The following SALL4 variants were observed in gnomAD, a reference collection of about 807,000 sequenced individuals.
The protein encoded by SALL4 is spalt like transcription factor 4.
Under a neutral mutation model 60.8 loss-of-function variants are expected in SALL4, and 4 were observed. That is an observed-to-expected ratio of 0.07 (90% CI 0.03 to 0.15). SALL4 has a LOEUF of 0.15. SALL4 is among the 10% of genes least tolerant of loss of function. The pLI is 1.00. For synonymous variants in SALL4, 580 were observed against 574.9 expected (o/e 1.01, Z -0.13); for missense variants, 1,178 against 1,394.7 (o/e 0.84, Z 2.48).
At position 51,784,235 on chromosome 20, in the gene SALL4, C is replaced by G. The variant is rs1352815755; in HGVS notation, c.*30G>C. On this transcript the variant is annotated 3_prime_UTR_variant, in exon 4 of 4. Coordinates refer to ENST00000217086, the MANE Select transcript of SALL4 (RefSeq NM_020436.5). ...GCAGATTCTAGAGATTTCACTGTGT[C>G]TGCATTGCTCCTTCCACGCAAGTTC... 6.2e-7 allele frequency: 1 copy of G among 1,611,654 alleles called. No homozygotes were observed. Among genetic ancestry groups the G allele is most frequent in the East Asian group, 2.2e-5 (1 of 44,878 alleles).
chr20:51,789,473 C>CT (rs2045884129), intron 2 of SALL4, among the ~76,000 whole-genome samples: 1 of 152,230 alleles, frequency 6.6e-6, no homozygotes, highest in African/African-American at 2.4e-5. Context: ...TTTGATACAG[C>CT]TTTTCCCTTA....
At position 51,790,249 on chromosome 20, in the gene SALL4, C is replaced by T. The variant is rs202211021; in HGVS notation, c.2234G>A (p.Arg745His). 35 of 1,613,988 alleles carry T rather than the reference C, an allele frequency of 2.2e-5. No homozygotes were observed. The highest frequency in any genetic ancestry group is 4.5e-5 in the East Asian group (2 of 44,896). ...KVGPAPFNLQ[R>H]QGSRENGSVE... ...GGAACCGTTTTCTCTGCTGCCCTGG[C>T]GCTGCAGGTTAAAAGGGGCAGGACC... Residue 745 changes from arginine (R) to histidine (H), a missense_variant, in exon 2 of 4, where the codon CGC (arginine) becomes CAC (histidine). Coordinates refer to ENST00000217086, the MANE Select transcript of SALL4 (RefSeq NM_020436.5). This position sits in a 1 kb window ranked among gnomAD's most constrained non-coding sequence, Gnocchi z 5.5.
At chr20:51,794,678 G>A (rs368142548) in intron 1 of SALL4, among the ~76,000 whole-genome samples, 4 of 152,142 alleles carry the variant, frequency 2.6e-5, no homozygotes, top group South Asian at 2.1e-4. Flanking sequence ...CTTTGTATGT[G>A]CCAGGTATGA....
Position 51,784,160 on chromosome 20 carries a change from A to C in SALL4, c.*105T>G. 2 of 1,321,578 alleles carry C rather than the reference A, an allele frequency of 1.5e-6. No individual in the cohort carries two copies. The highest frequency in any genetic ancestry group is 2.2e-6 in the Non-Finnish European group (2 of 927,324). 81.9% of individuals were successfully genotyped at this position (1,321,578 alleles called of 1,614,324 possible). ...AACCAACGTAGTAAACATCATTTGCATATCAGTAAGAAAAAGAAAACAGGA... is the reference window on the plus strand; with the variant it reads ...AACCAACGTAGTAAACATCATTTGCCTATCAGTAAGAAAAAGAAAACAGGA... On this transcript the variant is annotated 3_prime_UTR_variant, in exon 4 of 4. Transcript: ENST00000217086.
rs6091375 is a variant in SALL4, at chr20:51,790,091, T to G, written c.2392A>C (p.Ile798Leu). ...LSPANSQAES[I>L]KSKSPDAGSK... The stretch of plus-strand genomic sequence containing the variant: ...CCAGCATCGGGAGACTTTGACTTGA[T>G]GCTTTCGGCTTGACTATTGGCCGGG... The change falls in exon 2 of 4, where the codon ATC becomes CTC. Residue 798 changes from isoleucine to leucine, a missense_variant. By Grantham distance (5) the Ile-to-Leu change is conservative. This residue lies in a region of SALL4 where 853 missense variants were observed against 1,036.8 expected (regional missense o/e 0.82). Coordinates refer to ENST00000217086, the MANE Select transcript of SALL4 (RefSeq NM_020436.5). The surrounding 1 kb of genome is among the most constrained non-coding windows in gnomAD (Gnocchi z 5.5). The G allele has an allele frequency of 0.054, 87,750 of 1,614,114 alleles. 2,966 individuals carry two copies. Among genetic ancestry groups the G allele is most frequent in the African/African-American group, 0.16 (11,932 of 75,004 alleles).
At chr20:51,785,106 C>G (rs141767539) in intron 3 of SALL4, among the ~76,000 whole-genome samples, 2 of 152,018 alleles carry the variant, frequency 1.3e-5, no homozygotes, top group South Asian at 4.2e-4. Context: ...AGTTCAAGAC[C>G]AGCCCGGCCA....
At position 51,788,378 on chromosome 20, in the gene SALL4, G is replaced by A. The variant is rs1436211533; in HGVS notation, c.2742+483C>T. 6.7e-6 allele frequency among the ~76,000 whole-genome samples: 1 copy of A among 148,370 alleles called. No homozygotes were observed. The highest frequency in any genetic ancestry group is 1.5e-5 in the Non-Finnish European group (1 of 67,130). Reference sequence around the variant, plus strand: ...GTGTGTAAAGACGTTGTCTCCCTATGTTGCCAGGCTGGTCTCAAACTCCTG... The same window carrying A: ...GTGTGTAAAGACGTTGTCTCCCTATATTGCCAGGCTGGTCTCAAACTCCTG... On this transcript the variant is annotated intron_variant, in intron 3 of 3. Transcript: ENST00000217086. The surrounding 1 kb of genome is among the most constrained non-coding windows in gnomAD (Gnocchi z 4.1).
chr20:51,785,934 G>A (rs1480676869), intron 3 of SALL4, among the ~76,000 whole-genome samples: 2 of 147,454 alleles, frequency 1.4e-5, no homozygotes, highest in East Asian at 2.1e-4. Flanking sequence ...GAGCCACCAC[G>A]TCCGGCCTTT....
In SALL4 at chr20:51,802,317, G is replaced by A; in HGVS notation, c.92C>T (p.Ala31Val). ...CGCGGGCGCCGCTGGGGCCGCATCT[G>A]CAAACTCCGGGGTCTGCTGCTGCGG... The part of the protein sequence containing the change: ...QQPQQQTPEF[A>V]DAAPAAPAAG... The change falls in exon 1 of 4, where the codon GCA becomes GTA. Residue 31 changes from alanine (A) to valine (V), a missense_variant. Coordinates refer to ENST00000217086, the MANE Select transcript of SALL4 (RefSeq NM_020436.5). 1 of 1,610,292 alleles carries A rather than the reference G, an allele frequency of 6.2e-7. No individual in the cohort carries two copies. Among genetic ancestry groups the A allele is most frequent in the Non-Finnish European group, 8.5e-7 (1 of 1,179,492 alleles).
In SALL4 at chr20:51,800,814, G is replaced by T. The variant is rs182644617; in HGVS notation, c.130+1465C>A. ...GTGCGCGCTGCGCTGACCACCCGGC[G>T]CCCCGAAAACGCCCAGCCATCCCCT... On this transcript the variant is annotated intron_variant, in intron 1 of 3. Transcript: ENST00000217086. Among the ~76,000 whole-genome samples, 111 of 146,452 alleles carry T rather than the reference G, an allele frequency of 7.6e-4. No individual in the cohort carries two copies. In the East Asian group the frequency reaches 0.021, roughly 27 times the overall value.
At position 51,783,112 on chromosome 20, in the gene SALL4, G is replaced by A. The variant is rs1601160431; in HGVS notation, c.*1153C>T. ...TGTGATGGGAAACACGCCCTTCCAC[G>A]AGTTTCTTCTCGAGCATGAAAACCC... On this transcript the variant is annotated 3_prime_UTR_variant, in exon 4 of 4. Coordinates refer to ENST00000217086, the MANE Select transcript of SALL4 (RefSeq NM_020436.5). 3.3e-5 allele frequency: 5 copies of A among 152,080 alleles called. No homozygotes were observed. Among genetic ancestry groups the A allele is most frequent in the Admixed American group, 2.0e-4 (3 of 15,250 alleles). The allele number at this position is 152,080 out of a possible 1,614,324, so 9.4% of individuals were successfully genotyped here.
At position 51,784,617 on chromosome 20, in the gene SALL4, T is replaced by C. The variant is rs774221481; in HGVS notation, c.2810A>G (p.Asn937Ser). The part of the protein sequence containing the change: ...ARRGRKLAIE[N>S]TMALLGTDGK... ...GTCCGTACCTAACAGAGCCATGGTG[T>C]TCTCGATGGCCAACTTCCTTCCACG... The change falls in exon 4 of 4, where the codon AAC becomes AGC. Residue 937 changes from asparagine (N) to serine (S), a missense_variant. Around this residue, in one of 5 missense-constraint regions of SALL4, gnomAD observed 174 missense variants for 169.6 expected, o/e 1.03. Coordinates refer to ENST00000217086, the MANE Select transcript of SALL4 (RefSeq NM_020436.5). 9 of 1,614,100 alleles carry C rather than the reference T, an allele frequency of 5.6e-6. No homozygotes were observed. The Admixed American group carries it at 1.5e-4, about 27-fold the overall frequency.
rs2078045794 is a variant in SALL4 at position 51,791,858 on chromosome 20, T to A, written c.625A>T (p.Asn209Tyr). ...TGCTCGAGGACCCACGGGATGCTGT[T>A]GGCACCAGGCACGGGGGCAGGGAGT... ...DALPAPVPGA[N>Y]SIPWVLEQIL... The change falls in exon 2 of 4, where the codon AAC becomes TAC. Residue 209 changes from asparagine to tyrosine, a missense_variant. Around this residue, in one of 5 missense-constraint regions of SALL4, gnomAD observed 853 missense variants for 1,036.8 expected, o/e 0.82. Coordinates refer to ENST00000217086, the MANE Select transcript of SALL4 (RefSeq NM_020436.5). The surrounding 1 kb of genome is among the most constrained non-coding windows in gnomAD (Gnocchi z 4.6). The A allele has an allele frequency of 1.9e-6, 3 of 1,614,060 alleles. No individual in the cohort carries two copies. Among genetic ancestry groups the A allele is most frequent in the Non-Finnish European group, 2.5e-6 (3 of 1,180,032 alleles).
At position 51,801,494 on chromosome 20, in the gene SALL4, C is replaced by CG. The variant is rs573406347; in HGVS notation, c.130+784dup. The CG allele has an allele frequency of 7.2e-5, 11 of 152,402 alleles. No homozygotes were observed. In the East Asian group the frequency reaches 2.1e-3, roughly 29 times the overall value. 9.4% of individuals were successfully genotyped at this position (152,402 alleles called of 1,614,324 possible). On this transcript the variant is annotated intron_variant, in intron 1 of 3. Coordinates refer to ENST00000217086, the MANE Select transcript of SALL4 (RefSeq NM_020436.5). This position sits in a 1 kb window ranked among gnomAD's most constrained non-coding sequence, Gnocchi z 5.2. ...CCCGGCCACTGGGGGCTCGCACCCTCGGGCTTGCCGCGGTTATTTTTAGGA... is the reference window on the plus strand; with the variant it reads ...CCCGGCCACTGGGGGCTCGCACCCTCGGGGCTTGCCGCGGTTATTTTTAGGA...
At position 51,792,092 on chromosome 20, in the gene SALL4, C is replaced by G. The variant is rs2078049402; in HGVS notation, c.391G>C (p.Asp131His). 6.2e-7 allele frequency: 1 copy of G among 1,614,166 alleles called. No homozygotes were observed. The highest frequency in any genetic ancestry group is 8.5e-7 in the Non-Finnish European group (1 of 1,180,044). ...SHQPTSPGSK[D>H]CHRENGGSSE... is the part of the protein sequence containing the mutation. The stretch of plus-strand genomic sequence containing the variant: ...CTGCCGCCATTCTCCCTGTGACAGT[C>G]CTTACTGCCGGGACTGGTGGGCTGG... The change falls in exon 2 of 4, where the codon GAC becomes CAC. Residue 131 changes from aspartate (D) to histidine (H), a missense_variant. Around this residue, in one of 5 missense-constraint regions of SALL4, gnomAD observed 853 missense variants for 1,036.8 expected, o/e 0.82. Coordinates refer to ENST00000217086, the MANE Select transcript of SALL4 (RefSeq NM_020436.5).
Position 51,789,071 on chromosome 20 carries a change from T to C in SALL4, c.2532A>G (p.Thr844=). Residue 844 remains threonine (T), a synonymous_variant, in exon 3 of 4, where the codon ACA becomes ACG. Coordinates refer to ENST00000217086, the MANE Select transcript of SALL4 (RefSeq NM_020436.5). ...PTYVKVEVPG[T]FVGPSTLSPG... ...GGGACAATGTCGAGGGTCCCACAAATGTGCCAGGAACTTCAACCTTGACAT... is the reference window on the plus strand; with the variant it reads ...GGGACAATGTCGAGGGTCCCACAAACGTGCCAGGAACTTCAACCTTGACAT... The C allele has an allele frequency of 6.2e-7, 1 of 1,614,172 alleles. No individual in the cohort carries two copies. The highest frequency in any genetic ancestry group is 1.3e-5 in the African/African-American group (1 of 75,050).
intron 1 of SALL4, 43 bp from the exon 2 acceptor site, chr20:51,792,395 A>T (rs2078052892): frequency 6.3e-7 from 1 of 1,597,780 alleles, no homozygotes; most frequent in African/African-American, 1.3e-5. Context: ...CCCAAGTAAA[A>T]GATGTGGGGG....
chr20:51,797,948 CT>C (rs973680521), intron 1 of SALL4, among the ~76,000 whole-genome samples: 8 of 152,248 alleles, frequency 5.3e-5, no homozygotes, highest in East Asian at 3.9e-4. Flanking sequence ...TCAAGCTTAT[CT>C]TTTTTTCATT....
At chr20:51,802,179 T>G (rs1178828039) in intron 1 of SALL4, 100 bp downstream of exon 1, 1 of 1,420,068 alleles carries the variant, frequency 7.0e-7, no homozygotes, top group East Asian at 2.4e-5. Flanking sequence ...CTCCTGAATT[T>G]GCGCTGGACG....
Sources: gnomAD v4.1 joint callset for allele counts (sites outside exome capture counted in the v4.1 genomes callset) on GRCh38, gnomAD v4.1.1 for gene constraint, gnomAD v4.1.1 regional missense constraint, Gnocchi (gnomAD v3.1) non-coding constraint, MANE v1.5 for transcripts, NCBI Gene and HGNC (gene_info 2026-07-23, HGNC 2026-07-21) for gene names.